LYSET: variants seen among roughly 807,000 people sequenced by gnomAD.
LYSET encodes GNPTAB cleavage and activity factor.
chr14:93,186,828 A>G, the LYSET span: 4 of 750,000 alleles, frequency 5.3e-6, no homozygotes, highest in Non-Finnish European at 2.1e-6. Context: ...TCTGAATAAT[A>G]ACGAATTTTT....
the LYSET span, chr14:93,185,383 A>G: frequency 6.8e-6 from 11 of 1,610,628 alleles, no homozygotes; most frequent in African/African-American, 1.2e-4. Flanking sequence ...CAGGGGATTT[A>G]TTTTATGTTG....
the LYSET span, chr14:93,187,002 T>TG: frequency 3.8e-6 from 1 of 260,096 alleles, no homozygotes; most frequent in Non-Finnish European, 7.7e-6. Flanking sequence ...ATTTTTCCTT[T>TG]GGGGAAAAAA....
the LYSET span, among the ~76,000 whole-genome samples, chr14:93,187,440 A>T: frequency 9.7e-4 from 146 of 150,478 alleles, 1 homozygote; most frequent in East Asian, 8.0e-3. Context: ...AATTAAAAAA[A>T]TTTTTTTTTT....
the LYSET span, chr14:93,185,442 T>C: frequency 1.2e-6 from 2 of 1,613,614 alleles, no homozygotes; most frequent in Middle Eastern, 1.7e-4. Context: ...GCTGAGTGAC[T>C]CTTTAACGCT....
At chr14:93,185,598 T>C in the LYSET span, 6 of 887,158 alleles carry the variant, frequency 6.8e-6, no homozygotes. Context: ...CAAAGTGAAA[T>C]GTGCTGTGAG....
At chr14:93,185,842 G>C in the LYSET span, among the ~76,000 whole-genome samples, 1 of 149,888 alleles carries the variant, frequency 6.7e-6, no homozygotes. Flanking sequence ...TAAATCTTAA[G>C]TGTGTTAGTG....
At chr14:93,185,316 C>T in the LYSET span, 4 of 1,261,584 alleles carry the variant, frequency 3.2e-6, no homozygotes, top group Admixed American at 7.6e-5. Context: ...CGTTCTTAAT[C>T]ACTAGTAGCT....
At chr14:93,185,467 G>A in the LYSET span, 8 of 1,612,580 alleles carry the variant, frequency 5.0e-6, no homozygotes, top group Admixed American at 1.7e-5. Flanking sequence ...GTGGGAACAG[G>A]AAGATTTTCG....
the LYSET span, chr14:93,186,380 C>T: frequency 1.9e-6 from 3 of 1,614,110 alleles, no homozygotes; most frequent in Non-Finnish European, 2.5e-6. Context: ...AGACTTACAA[C>T]AGGCTGGCCT....
At chr14:93,187,461 T>C in the LYSET span, among the ~76,000 whole-genome samples, 10 of 151,884 alleles carry the variant, frequency 6.6e-5, no homozygotes, top group Non-Finnish European at 5.9e-5. Context: ...CCATGACTTG[T>C]GACACAGTCT....
the LYSET span, chr14:93,186,646 G>A: frequency 6.2e-7 from 1 of 1,610,538 alleles, no homozygotes; most frequent in Non-Finnish European, 8.5e-7. Context: ...AATCAGATCA[G>A]CAGACTACAA....
the LYSET span, among the ~76,000 whole-genome samples, chr14:93,187,315 G>C: frequency 6.6e-6 from 1 of 151,964 alleles, no homozygotes; most frequent in African/African-American, 2.4e-5. Context: ...TGGAGAATGG[G>C]GTCTCGCTAT....
chr14:93,187,361 C>T, the LYSET span, among the ~76,000 whole-genome samples: 2 of 152,016 alleles, frequency 1.3e-5, no homozygotes, highest in South Asian at 2.1e-4. Flanking sequence ...TGGGCTCAAG[C>T]TTTCCTCCTC....
At chr14:93,185,441 CTCTT>C in the LYSET span, 6 of 1,613,458 alleles carry the variant, frequency 3.7e-6, no homozygotes, top group Non-Finnish European at 5.1e-6. Flanking sequence ...AGCTGAGTGA[CTCTT>C]TAACGCTTGC....
At chr14:93,186,222 T>G in the LYSET span, 1 of 1,566,324 alleles carries the variant, frequency 6.4e-7, no homozygotes, top group Non-Finnish European at 8.6e-7. Flanking sequence ...GTGACAGCAT[T>G]ACTAGACCCT....
At chr14:93,188,002 A>C in the LYSET span, among the ~76,000 whole-genome samples, 2 of 149,744 alleles carry the variant, frequency 1.3e-5, no homozygotes, top group African/African-American at 4.9e-5. Flanking sequence ...TCTGTAGCCC[A>C]GACTGGTGTG....
chr14:93,188,028 A>G, the LYSET span, among the ~76,000 whole-genome samples: 1 of 147,216 alleles, frequency 6.8e-6, no homozygotes, highest in South Asian at 2.2e-4. Context: ...GTGCGATCTC[A>G]GCTCACTGCA....
At chr14:93,185,537 C>T in the LYSET span, 10 of 1,471,732 alleles carry the variant, frequency 6.8e-6, no homozygotes, top group South Asian at 5.7e-5. Context: ...TTGTAGCACC[C>T]CGCGTTCACG....
the LYSET span, chr14:93,185,078 C>T: frequency 2.0e-5 from 3 of 150,478 alleles, no homozygotes; most frequent in Non-Finnish European, 4.4e-5. Flanking sequence ...CGCCGGCGAC[C>T]GCTGACGGGC....
Sources: gnomAD v4.1 joint callset for allele counts (sites outside exome capture counted in the v4.1 genomes callset) on GRCh38, gnomAD v4.1.1 for gene constraint, MANE v1.5 for transcripts, NCBI Gene and HGNC (gene_info 2026-07-23, HGNC 2026-07-21) for gene names.